The following PCDH9 variants were observed in gnomAD, a reference collection of about 807,000 sequenced individuals.
PCDH9 encodes protocadherin 9.
PCDH9 carries 24 observed loss-of-function variants against 70.6 expected under a neutral mutation model. The observed-to-expected ratio is 0.34, with a 90% confidence interval of 0.25 to 0.48. PCDH9 has a LOEUF of 0.48. PCDH9 is among the 20% of genes least tolerant of loss of function. The pLI, the probability that PCDH9 is intolerant of heterozygous loss-of-function variation, is 0.99. For synonymous variants in PCDH9, 562 were observed against 558.5 expected (o/e 1.01, Z -0.09); for missense variants, 1,281 against 1,503.6 (o/e 0.85, Z 2.45).
At chr13:67,228,963 G>T (rs1006781685) in intron 1 of PCDH9, among the ~76,000 whole-genome samples, 1 of 152,068 alleles carries the variant, frequency 6.6e-6, no homozygotes, top group Non-Finnish European at 1.5e-5. Context: ...ATTTAGCTAC[G>T]GTTCCTGCTA....
At chr13:66,658,912 A>C (rs1431413284) in intron 3 of PCDH9, among the ~76,000 whole-genome samples, 4 of 152,200 alleles carry the variant, frequency 2.6e-5, no homozygotes, top group Admixed American at 6.5e-5. Flanking sequence ...ATTATGACTT[A>C]AGAATTAGTG....
rs985798098 is a variant in PCDH9, at chr13:66,738,019, C to T, written c.3139-106608G>A. Reference sequence around the variant, plus strand: ...ACAGCTCAAGGAGGCCTGCCTGCCTCTGTAGCCTCCACCTCTGGGGGCAGG... The same window carrying T: ...ACAGCTCAAGGAGGCCTGCCTGCCTTTGTAGCCTCCACCTCTGGGGGCAGG... On this transcript the variant is annotated intron_variant, in intron 3 of 4. Transcript: ENST00000377865. Among the ~76,000 whole-genome samples, 52 of 152,202 alleles carry T rather than the reference C, an allele frequency of 3.4e-4. 1 individual carries two copies. The highest frequency in any genetic ancestry group is 8.8e-5 in the Non-Finnish European group (6 of 68,036).
intron 2 of PCDH9, among the ~76,000 whole-genome samples, chr13:67,175,478 T>C (rs1318010104): frequency 6.6e-6 from 1 of 152,136 alleles, no homozygotes; most frequent in African/African-American, 2.4e-5. Context: ...ATGGAAAAAG[T>C]TCAAATAGAC....
At chr13:66,601,686 T>G (rs1310449270) in intron 4 of PCDH9, among the ~76,000 whole-genome samples, 1 of 146,198 alleles carries the variant, frequency 6.8e-6, no homozygotes, top group Non-Finnish European at 1.5e-5. Context: ...CAGATAGAAG[T>G]AGAGTCATGC....
At position 66,329,380 on chromosome 13, in the gene PCDH9, A is replaced by G. The variant is rs77134373; in HGVS notation, c.3341-24352T>C. On this transcript the variant is annotated intron_variant, in intron 4 of 4. Transcript: ENST00000377865. The stretch of plus-strand genomic sequence containing the variant: ...AAAGTTAGCATTAACAGATTCTGGG[A>G]GCTGCTCAGTCACTGAAGGTGCAGA... Among the ~76,000 whole-genome samples, 606 of 152,304 alleles carry G rather than the reference A, an allele frequency of 4.0e-3. 12 individuals are homozygous for G. In the East Asian group the frequency reaches 0.052, roughly 13 times the overall value.
chr13:66,498,999 G>A (rs1959160070), intron 4 of PCDH9, among the ~76,000 whole-genome samples: 1 of 151,706 alleles, frequency 6.6e-6, no homozygotes, highest in South Asian at 2.1e-4. Context: ...AGAATGAAGT[G>A]TTGAAGGAAC....
At chr13:66,810,628 C>T (rs1298175563) in intron 3 of PCDH9, among the ~76,000 whole-genome samples, 1 of 151,868 alleles carries the variant, frequency 6.6e-6, no homozygotes, top group African/African-American at 2.4e-5. Context: ...TTATATTAAA[C>T]TTCTATCCCT....
At chr13:67,012,391 A>G (rs937529500) in intron 2 of PCDH9, among the ~76,000 whole-genome samples, 2 of 151,956 alleles carry the variant, frequency 1.3e-5, no homozygotes, top group African/African-American at 4.8e-5. Flanking sequence ...GGTGATTTAC[A>G]TTCTTTTTCA....
chr13:66,944,995 A>C (rs754707954), intron 2 of PCDH9, among the ~76,000 whole-genome samples: 14 of 152,062 alleles, frequency 9.2e-5, no homozygotes, highest in Non-Finnish European at 1.6e-4. Context: ...GGATACCAGA[A>C]TACAGCACCC....
chr13:67,062,377 C>T (rs963414512), intron 2 of PCDH9, among the ~76,000 whole-genome samples: 1 of 152,124 alleles, frequency 6.6e-6, no homozygotes, highest in South Asian at 2.1e-4. Flanking sequence ...AAAAGAAAAG[C>T]CTTCTCTGTA....
chr13:66,889,122 A>C (rs1466878811), intron 3 of PCDH9, among the ~76,000 whole-genome samples: 2 of 152,208 alleles, frequency 1.3e-5, no homozygotes, highest in East Asian at 3.9e-4. Flanking sequence ...TTTGGCCATA[A>C]GCGAGTAGAT....
At chr13:67,199,414 T>C (rs1315056441) in intron 2 of PCDH9, among the ~76,000 whole-genome samples, 1 of 151,690 alleles carries the variant, frequency 6.6e-6, no homozygotes, top group Non-Finnish European at 1.5e-5. Context: ...AAATGACCAA[T>C]AATACATATT....
intron 4 of PCDH9, among the ~76,000 whole-genome samples, chr13:66,474,582 T>G (rs1164974395): frequency 1.3e-5 from 2 of 152,162 alleles, no homozygotes; most frequent in Non-Finnish European, 2.9e-5. Context: ...AAATATATCA[T>G]AATACAAACA....
chr13:66,896,360 G>C (rs2082178661), intron 3 of PCDH9, among the ~76,000 whole-genome samples: 1 of 149,584 alleles, frequency 6.7e-6, no homozygotes. Context: ...AATGTATGCT[G>C]TTTTTAATAA....
intron 4 of PCDH9, among the ~76,000 whole-genome samples, chr13:66,355,081 G>A (rs538704491): frequency 1.3e-5 from 2 of 152,228 alleles, no homozygotes; most frequent in South Asian, 4.1e-4. Context: ...AGTACAAGCT[G>A]AAGGTTAAGT....
At chr13:66,889,579 T>C (rs367887538) in intron 3 of PCDH9, among the ~76,000 whole-genome samples, 4 of 152,298 alleles carry the variant, frequency 2.6e-5, no homozygotes, top group African/African-American at 9.6e-5. Flanking sequence ...TAAAGCATAC[T>C]GTCCCCTGGA....
At chr13:66,313,586 A>G (rs1411195504) in intron 4 of PCDH9, among the ~76,000 whole-genome samples, 1 of 152,250 alleles carries the variant, frequency 6.6e-6, no homozygotes, top group Non-Finnish European at 1.5e-5. Flanking sequence ...CATACACAAT[A>G]GTAGTACACA....
At chr13:66,775,332 C>T (rs1310926238) in intron 3 of PCDH9, among the ~76,000 whole-genome samples, 1 of 152,092 alleles carries the variant, frequency 6.6e-6, no homozygotes, top group African/African-American at 2.4e-5. Context: ...AAGAGCAAAA[C>T]AAGGCTTTGT....
intron 2 of PCDH9, among the ~76,000 whole-genome samples, chr13:66,999,080 A>G (rs961781208): frequency 6.6e-6 from 1 of 152,192 alleles, no homozygotes; most frequent in Non-Finnish European, 1.5e-5. Context: ...ATCATCCTTT[A>G]GAACGTCTTG....
Sources: gnomAD v4.1 joint callset for allele counts (sites outside exome capture counted in the v4.1 genomes callset) on GRCh38, gnomAD v4.1.1 for gene constraint, MANE v1.5 for transcripts, NCBI Gene and HGNC (gene_info 2026-07-23, HGNC 2026-07-21) for gene names.